The following EFL1 variants were observed in gnomAD, a reference collection of about 807,000 sequenced individuals.
The protein encoded by EFL1 is elongation factor like GTPase 1.
In EFL1, 76 loss-of-function variants were observed where a neutral mutation model predicts 126.7. The ratio of observed to expected loss-of-function variants is 0.60; its 90% CI spans 0.50 to 0.73. EFL1 has a LOEUF of 0.73. EFL1 is among the 30% of genes least tolerant of loss of function. The pLI is 0.00. For missense variants in EFL1, 1,128 were observed against 1,343.2 expected (o/e 0.84, Z 2.50); for synonymous variants, 410 against 448.4 (o/e 0.91, Z 1.08).
chr15:82,213,309 C>A (rs2074608770), intron 15 of EFL1, among the ~76,000 whole-genome samples: 1 of 152,162 alleles, frequency 6.6e-6, no homozygotes, highest in African/African-American at 2.4e-5. Context: ...CAGTAAAAGA[C>A]ATCAAGGTAT....
chr15:82,159,390 C>T (rs1196668962), intron 16 of EFL1, among the ~76,000 whole-genome samples: 1 of 150,626 alleles, frequency 6.6e-6, no homozygotes, highest in Non-Finnish European at 1.5e-5. Context: ...GAGATCCCAA[C>T]AAATATTTCT....
intron 4 of EFL1, among the ~76,000 whole-genome samples, chr15:82,242,076 T>C (rs2074936632): frequency 6.6e-6 from 1 of 152,074 alleles, no homozygotes; most frequent in Non-Finnish European, 1.5e-5. Context: ...TCAAAGCCCT[T>C]AGTCCCAGGC....
In EFL1 at chr15:82,130,681, T is replaced by A. The variant is rs116292777; in HGVS notation, c.3175-120A>T. On this transcript the variant is annotated intron_variant, in intron 19 of 19. Coordinates refer to ENST00000268206, the MANE Select transcript of EFL1 (RefSeq NM_024580.6). ...GAAAAAAAGTTAGGCAATGAACAGC[T>A]AAGCTTGCTAGGAATGGTAATAAGT... 6.7e-4 allele frequency: 682 copies of A among 1,020,562 alleles called. 5 individuals are homozygous for A. The African/African-American group carries it at 0.01, about 16-fold the overall frequency. The allele number at this position is 1,020,562 out of a possible 1,614,324, so 63.2% of individuals were successfully genotyped here. A position where few individuals can be genotyped will look rare whatever the true frequency, so the allele number is the denominator to read the frequency against.
chr15:82,214,981 T>C (rs759203177), intron 14 of EFL1, 126 bp from the exon 15 acceptor site: 68 of 824,868 alleles, frequency 8.2e-5, no homozygotes, highest in Middle Eastern at 7.3e-4. Context: ...ACCTGAAATA[T>C]GAACATTTGA....
intron 15 of EFL1, among the ~76,000 whole-genome samples, chr15:82,185,368 T>C (rs2074293553): frequency 1.3e-5 from 2 of 151,742 alleles, no homozygotes; most frequent in Non-Finnish European, 2.9e-5. Context: ...TTAAATAAAA[T>C]TAAAATGCAT....
intron 15 of EFL1, among the ~76,000 whole-genome samples, chr15:82,210,731 G>A (rs755540877): frequency 3.3e-5 from 5 of 151,902 alleles, no homozygotes; most frequent in African/African-American, 1.2e-4. Flanking sequence ...GCGTGATGGT[G>A]GTTGCTTGTA....
Position 82,256,485 on chromosome 15 carries a change from A to G in EFL1, c.159+2603T>C, listed in dbSNP as rs192231136. On this transcript the variant is annotated intron_variant, in intron 3 of 19. Coordinates refer to ENST00000268206, the MANE Select transcript of EFL1 (RefSeq NM_024580.6). ...TTTTCTTTCCAGCTTTATCACTGCA[A>G]CTAGAACCTCCAGTACAATCTAAAG... Among the ~76,000 whole-genome samples, 40 of 152,320 alleles carry G rather than the reference A, an allele frequency of 2.6e-4. No homozygotes were observed. The East Asian group carries it at 7.7e-3, about 29-fold the overall frequency.
chr15:82,197,588 A>C (rs1219914185), intron 15 of EFL1, among the ~76,000 whole-genome samples: 2 of 152,208 alleles, frequency 1.3e-5, no homozygotes, highest in African/African-American at 2.4e-5. Flanking sequence ...ATATTTTCAT[A>C]ATAATGCTTT....
At chr15:82,161,320 A>C (rs1272537725) in intron 16 of EFL1, among the ~76,000 whole-genome samples, 1 of 152,224 alleles carries the variant, frequency 6.6e-6, no homozygotes, top group Non-Finnish European at 1.5e-5. Flanking sequence ...CAGACATGTA[A>C]TCTACGAATA....
At chr15:82,138,906 T>G in intron 18 of EFL1, 64 bp from the exon 19 acceptor site, 1 of 1,471,838 alleles carries the variant, frequency 6.8e-7, no homozygotes, top group Non-Finnish European at 9.3e-7. Context: ...CACCAAGACA[T>G]GATTACCCAT....
intron 17 of EFL1, among the ~76,000 whole-genome samples, chr15:82,156,629 T>C (rs1188467031): frequency 6.6e-6 from 1 of 151,466 alleles, no homozygotes; most frequent in Non-Finnish European, 1.5e-5. Flanking sequence ...TGTTGTTGTA[T>C]AGTTACTACT....
rs531072136 is a variant in EFL1 at position 82,234,431 on chromosome 15, C to T, written c.732-3460G>A. Among the ~76,000 whole-genome samples the T allele has an allele frequency of 9.2e-5, 14 of 152,246 alleles. No homozygotes were observed. The South Asian group carries it at 2.9e-3, about 32-fold the overall frequency. On this transcript the variant is annotated intron_variant, in intron 7 of 19. Transcript: ENST00000268206. ...ATATATGAAAAGTACAAATTCTCAGCAGGTTCACAATTTCTATTTTCATCA... is the reference window on the plus strand; with the variant it reads ...ATATATGAAAAGTACAAATTCTCAGTAGGTTCACAATTTCTATTTTCATCA...
intron 4 of EFL1, among the ~76,000 whole-genome samples, chr15:82,246,330 C>G (rs903260130): frequency 5.3e-5 from 8 of 151,930 alleles, no homozygotes; most frequent in Non-Finnish European, 1.2e-4. Flanking sequence ...AATAAGAAAC[C>G]CTGGAGTAAA....
intron 18 of EFL1, among the ~76,000 whole-genome samples, chr15:82,140,310 T>C (rs1392018544): frequency 2.6e-5 from 4 of 152,212 alleles, no homozygotes; most frequent in African/African-American, 9.7e-5. Context: ...ACAATAATTT[T>C]CATGTTCCTA....
At chr15:82,254,893 T>C (rs1372310600) in intron 3 of EFL1, among the ~76,000 whole-genome samples, 5 of 152,186 alleles carry the variant, frequency 3.3e-5, no homozygotes, top group African/African-American at 1.2e-4. Context: ...ATGAAACCAC[T>C]GTCAGTACTG....
chr15:82,252,038 C>T (rs62013461), intron 4 of EFL1, among the ~76,000 whole-genome samples: 1 of 152,010 alleles, frequency 6.6e-6, no homozygotes, highest in Non-Finnish European at 1.5e-5. Flanking sequence ...AAATACTCTG[C>T]AATTTGTTTT....
At chr15:82,201,681 T>C (rs2074469397) in intron 15 of EFL1, among the ~76,000 whole-genome samples, 1 of 138,794 alleles carries the variant, frequency 7.2e-6, no homozygotes, top group Non-Finnish European at 1.5e-5. Flanking sequence ...CCCATTTTTA[T>C]AGTTAATAAC....
chr15:82,207,307 T>TAC (rs1555429173), intron 15 of EFL1, among the ~76,000 whole-genome samples: 6,560 of 145,350 alleles, frequency 0.045, 199 homozygotes, highest in Non-Finnish European at 0.066. Flanking sequence ...TATATATATA[T>TAC]ACACACACAC....
chr15:82,177,575 T>C (rs1489200724), intron 15 of EFL1, among the ~76,000 whole-genome samples: 1 of 152,216 alleles, frequency 6.6e-6, no homozygotes, highest in Non-Finnish European at 1.5e-5. Flanking sequence ...GTGGTTCACA[T>C]GAAGTTTTTG....
Sources: gnomAD v4.1 joint callset for allele counts (sites outside exome capture counted in the v4.1 genomes callset) on GRCh38, gnomAD v4.1.1 for gene constraint, MANE v1.5 for transcripts, NCBI Gene and HGNC (gene_info 2026-07-23, HGNC 2026-07-21) for gene names.